The following STAG1 variants were observed in gnomAD, a reference collection of about 807,000 sequenced individuals.
STAG1 encodes the protein STAG1 cohesin complex component.
Under a neutral mutation model 170.9 loss-of-function variants are expected in STAG1, and 26 were observed. The observed-to-expected ratio is 0.15, with a 90% CI of 0.11 to 0.21. The LOEUF is 0.21. Among genes scored for constraint, STAG1 ranks in the 10% least tolerant of loss-of-function variants. The pLI is 1.00. For missense variants in STAG1, 964 were observed against 1,509.5 expected, an observed-to-expected ratio of 0.64 and a Z score of 5.99; for synonymous variants, 514 against 497.7, an observed-to-expected ratio of 1.03 and a Z score of -0.44.
chr3:136,518,387 C>A, intron 7 of STAG1: 2 of 699,896 alleles, frequency 2.9e-6, no homozygotes, highest in Middle Eastern at 4.6e-4. Flanking sequence ...AATGTTCCTG[C>A]CCATTTTATC....
At chr3:136,458,964 A>T (rs879753345) in intron 13 of STAG1, among the ~76,000 whole-genome samples, 1 of 152,206 alleles carries the variant, frequency 6.6e-6, no homozygotes, top group African/African-American at 2.4e-5. Flanking sequence ...GCAAGCCTGT[A>T]ATCGCAGCAC....
intron 1 of STAG1, among the ~76,000 whole-genome samples, chr3:136,681,325 T>C (rs1942327725): frequency 6.6e-6 from 1 of 152,226 alleles, no homozygotes; most frequent in Admixed American, 6.5e-5. Context: ...AGAATATGAA[T>C]CTTTATATTA....
intron 23 of STAG1, among the ~76,000 whole-genome samples, chr3:136,370,863 T>G (rs1937295835): frequency 1.3e-5 from 2 of 152,380 alleles, no homozygotes; most frequent in African/African-American, 4.8e-5. Flanking sequence ...TATAATCCTT[T>G]GGGTATATAC....
At chr3:136,529,728 G>C (rs1935271818) in intron 6 of STAG1, among the ~76,000 whole-genome samples, 1 of 152,008 alleles carries the variant, frequency 6.6e-6, no homozygotes, top group Non-Finnish European at 1.5e-5. Flanking sequence ...CACTGGTAAA[G>C]CAAACACACA....
At chr3:136,445,745 T>G (rs1437009384) in intron 14 of STAG1, among the ~76,000 whole-genome samples, 1 of 152,212 alleles carries the variant, frequency 6.6e-6, no homozygotes, top group East Asian at 1.9e-4. Context: ...ACTATCCCCT[T>G]TCTATCCCTC....
At chr3:136,502,467 G>T (rs978688919) in intron 8 of STAG1, among the ~76,000 whole-genome samples, 161 bp downstream of exon 8, 1 of 152,116 alleles carries the variant, frequency 6.6e-6, no homozygotes, top group African/African-American at 2.4e-5. Context: ...GCACTTACAT[G>T]ATCACCAATG....
At chr3:136,629,477 C>G (rs530363289) in intron 2 of STAG1, among the ~76,000 whole-genome samples, 1 of 151,880 alleles carries the variant, frequency 6.6e-6, no homozygotes, top group East Asian at 1.9e-4. Context: ...GGTATTTATA[C>G]CATATTTATA....
rs546057067 is a variant in STAG1 at position 136,712,274 on chromosome 3, CA to C, written c.-84+39920del. On this transcript the variant is annotated intron_variant, in intron 1 of 33. Transcript: ENST00000383202. The stretch of plus-strand genomic sequence containing the variant: ...CTCATGATCCAACTGCCTCGGCCTC[CA>C]AAAGTGCTGGGATTACAGGTGTGAG... Among the ~76,000 whole-genome samples the C allele has an allele frequency of 1.6e-3, 243 of 152,204 alleles. 1 individual carries two copies. Among genetic ancestry groups the C allele is most frequent in the Non-Finnish European group, 2.9e-3 (195 of 68,016 alleles).
At chr3:136,473,057 G>T (rs1559825291) in intron 11 of STAG1, among the ~76,000 whole-genome samples, 1 of 152,120 alleles carries the variant, frequency 6.6e-6, no homozygotes, top group Non-Finnish European at 1.5e-5. Flanking sequence ...CAAATCAGCA[G>T]TGGCATTAGA....
chr3:136,634,658 G>C (rs1278247748), intron 1 of STAG1, among the ~76,000 whole-genome samples: 3 of 143,958 alleles, frequency 2.1e-5, no homozygotes, highest in African/African-American at 7.6e-5. Context: ...TTCTACAACT[G>C]AAGAAAAAAA....
chr3:136,475,300 C>G (rs1369156690), intron 10 of STAG1, among the ~76,000 whole-genome samples: 1 of 151,990 alleles, frequency 6.6e-6, no homozygotes, highest in Non-Finnish European at 1.5e-5. Context: ...GTGCCCACCA[C>G]CATGCCCAGC....
chr3:136,677,907 T>C (rs890939998), intron 1 of STAG1, among the ~76,000 whole-genome samples: 3 of 147,464 alleles, frequency 2.0e-5, no homozygotes, highest in Non-Finnish European at 3.0e-5. Flanking sequence ...ATAATATATA[T>C]TATATATATT....
chr3:136,554,721 T>C (rs6439646), intron 5 of STAG1, among the ~76,000 whole-genome samples: 113,285 of 151,848 alleles, frequency 0.75, 42,379 homozygotes, highest in East Asian at 0.86. Flanking sequence ...ATAGCAACCT[T>C]GTCTCTAAAA....
At chr3:136,536,797 G>A (rs185859067) in intron 6 of STAG1, among the ~76,000 whole-genome samples, 95 of 151,774 alleles carry the variant, frequency 6.3e-4, no homozygotes, top group African/African-American at 2.2e-3. Context: ...GTGACCTCAG[G>A]CAAGTTTCTT....
At chr3:136,659,850 T>C (rs1292802947) in intron 1 of STAG1, among the ~76,000 whole-genome samples, 1 of 152,158 alleles carries the variant, frequency 6.6e-6, no homozygotes, top group African/African-American at 2.4e-5. Context: ...CATGAAATCT[T>C]ACTAATGAAA....
At chr3:136,399,494 T>C (rs1241893638) in intron 21 of STAG1, among the ~76,000 whole-genome samples, 5 of 152,236 alleles carry the variant, frequency 3.3e-5, no homozygotes, top group Admixed American at 6.5e-5. Flanking sequence ...ACCATATGTA[T>C]TGAGTCTGAC....
At chr3:136,604,148 C>G (rs934379807) in intron 4 of STAG1, among the ~76,000 whole-genome samples, 161 bp downstream of exon 4, 37 of 152,286 alleles carry the variant, frequency 2.4e-4, no homozygotes, top group African/African-American at 6.3e-4. Context: ...ATTCCTGACA[C>G]TCTTTGCAAA....
At chr3:136,349,001 C>T (rs918671409) in intron 29 of STAG1, 157 bp downstream of exon 29, 2 of 631,024 alleles carry the variant, frequency 3.2e-6, no homozygotes, top group African/African-American at 1.8e-5. Flanking sequence ...TGTCTTACTT[C>T]ATCTGTTTCA....
intron 4 of STAG1, among the ~76,000 whole-genome samples, chr3:136,592,266 T>C (rs1938221917): frequency 6.6e-6 from 1 of 152,152 alleles, no homozygotes; most frequent in African/African-American, 2.4e-5. Context: ...ATGGACCCAG[T>C]AGGAGGTAAT....
Sources: gnomAD v4.1 joint callset for allele counts (sites outside exome capture counted in the v4.1 genomes callset) on GRCh38, gnomAD v4.1.1 for gene constraint, MANE v1.5 for transcripts, NCBI Gene and HGNC (gene_info 2026-07-23, HGNC 2026-07-21) for gene names.